The following CIMIP7 variants were observed in gnomAD, a reference collection of about 807,000 sequenced individuals.
CIMIP7 encodes the protein uncharacterized protein C3orf84.
At chr3:49,191,735 G>A in the CIMIP7 span, 2 of 1,588,514 alleles carry the variant, frequency 1.3e-6, no homozygotes, top group African/African-American at 1.4e-5. Flanking sequence ...AACATAAAGT[G>A]CACTCTTACC....
At chr3:49,177,900 G>T in the CIMIP7 span, 2 of 1,613,920 alleles carry the variant, frequency 1.2e-6, no homozygotes, top group Admixed American at 1.7e-5. Flanking sequence ...TGAGTCCTGG[G>T]CCTGGCCTGA....
At chr3:49,181,445 G>C in the CIMIP7 span, among the ~76,000 whole-genome samples, 1 of 151,720 alleles carries the variant, frequency 6.6e-6, no homozygotes, top group Admixed American at 6.6e-5. Flanking sequence ...GAGCCCAGGA[G>C]TTCAAGACCG....
the CIMIP7 span, chr3:49,178,341 T>C: frequency 1.3e-6 from 1 of 770,226 alleles, no homozygotes; most frequent in Non-Finnish European, 2.1e-6. Context: ...AGGAGAAAGT[T>C]TGTGGGGGAA....
the CIMIP7 span, chr3:49,177,693 A>T: frequency 6.2e-7 from 1 of 1,609,960 alleles, no homozygotes; most frequent in East Asian, 2.2e-5. Flanking sequence ...CCCCAGCATG[A>T]AGGTAGTGCT....
At chr3:49,184,052 C>T in the CIMIP7 span, among the ~76,000 whole-genome samples, 18 of 152,288 alleles carry the variant, frequency 1.2e-4, no homozygotes, top group Non-Finnish European at 2.1e-4. Context: ...GGCTGGAGTG[C>T]GGTGACACAA....
At chr3:49,178,463 T>C in the CIMIP7 span, 53 of 1,612,214 alleles carry the variant, frequency 3.3e-5, no homozygotes, top group East Asian at 1.2e-3. Context: ...CTGCCATTCT[T>C]CCTGTCTTCG....
the CIMIP7 span, among the ~76,000 whole-genome samples, chr3:49,191,366 C>T: frequency 6.6e-6 from 1 of 152,152 alleles, no homozygotes; most frequent in East Asian, 1.9e-4. Flanking sequence ...GTCTTCCAGG[C>T]GTGGGGCTGA....
the CIMIP7 span, among the ~76,000 whole-genome samples, chr3:49,185,077 C>T: frequency 6.6e-5 from 10 of 151,600 alleles, no homozygotes; most frequent in African/African-American, 1.2e-4. Flanking sequence ...GCCTGACCAA[C>T]ATGGAGAAAC....
chr3:49,184,676 C>T, the CIMIP7 span, among the ~76,000 whole-genome samples: 8 of 148,154 alleles, frequency 5.4e-5, no homozygotes, highest in South Asian at 2.2e-4. Context: ...TTACCTAGGC[C>T]GGAGTGCAGT....
the CIMIP7 span, chr3:49,177,974 A>AG: frequency 4.3e-6 from 7 of 1,613,470 alleles, no homozygotes; most frequent in South Asian, 7.7e-5. Flanking sequence ...CAGGGTGCCC[A>AG]GCGCAGGAAG....
chr3:49,190,394 G>A, the CIMIP7 span, among the ~76,000 whole-genome samples: 5 of 152,082 alleles, frequency 3.3e-5, 1 homozygote. Context: ...GGGAAGGAGT[G>A]CCATTCATTT....
At chr3:49,185,570 A>G in the CIMIP7 span, among the ~76,000 whole-genome samples, 1 of 152,264 alleles carries the variant, frequency 6.6e-6, no homozygotes, top group African/African-American at 2.4e-5. Flanking sequence ...CCAAAAACAA[A>G]ACAAAAAAAC....
the CIMIP7 span, chr3:49,178,192 T>C: frequency 1.3e-6 from 1 of 788,078 alleles, no homozygotes; most frequent in Non-Finnish European, 2.0e-6. Flanking sequence ...TTGGCCTGCC[T>C]CCCCAGTGAT....
At chr3:49,187,782 G>T in the CIMIP7 span, among the ~76,000 whole-genome samples, 41 of 152,324 alleles carry the variant, frequency 2.7e-4, no homozygotes, top group Non-Finnish European at 5.0e-4. Flanking sequence ...AAAAGAAAAT[G>T]TGCAACTTCT....
At chr3:49,179,956 A>G in the CIMIP7 span, among the ~76,000 whole-genome samples, 4 of 145,926 alleles carry the variant, frequency 2.7e-5, no homozygotes, top group East Asian at 4.0e-4. Flanking sequence ...TGGCCAACAT[A>G]GTGAAACCCC....
the CIMIP7 span, chr3:49,178,167 T>A: frequency 9.6e-7 from 1 of 1,046,792 alleles, no homozygotes; most frequent in Non-Finnish European, 1.3e-6. Context: ...TGTCTTGGCC[T>A]GTACCCTGGC....
the CIMIP7 span, among the ~76,000 whole-genome samples, chr3:49,190,497 A>ATT: frequency 2.3e-4 from 32 of 139,340 alleles, no homozygotes; most frequent in Non-Finnish European, 3.3e-4. Flanking sequence ...TCTCTCCACA[A>ATT]TTTTTTTTTT....
the CIMIP7 span, chr3:49,178,044 A>G: frequency 1.9e-6 from 3 of 1,600,076 alleles, no homozygotes; most frequent in Non-Finnish European, 2.6e-6. Context: ...GCAGCAGGCA[A>G]TAGGGACCCT....
At chr3:49,178,562 G>A in the CIMIP7 span, 1 of 1,607,408 alleles carries the variant, frequency 6.2e-7, no homozygotes, top group Non-Finnish European at 8.5e-7. Flanking sequence ...GAGAAAGAAG[G>A]TGAATGGGGA....
Sources: allele counts gnomAD v4.1 joint callset (sites outside exome capture counted in the v4.1 genomes callset), GRCh38; gene constraint gnomAD v4.1.1; transcripts MANE v1.5; gene names NCBI Gene and HGNC (gene_info 2026-07-23, HGNC 2026-07-21).